SLC31A2: variants seen among roughly 807,000 people sequenced by gnomAD.
SLC31A2 encodes solute carrier family 31 member 2.
A neutral mutation model predicts 14.4 loss-of-function variants in SLC31A2; 16 were observed. The ratio of observed to expected loss-of-function variants is 1.11; its 90% CI spans 0.75 to 1.69. The LOEUF (loss-of-function observed/expected upper bound fraction) is 1.69, where lower values mean the gene tolerates loss of function less well. SLC31A2 is among the 40% of genes most tolerant of loss of function. The pLI is 0.00. For synonymous variants in SLC31A2, 56 were observed against 68.7 expected, an observed-to-expected ratio of 0.82 and a Z score of 0.91; for missense variants, 140 against 173.9, an observed-to-expected ratio of 0.81 and a Z score of 1.10.
In SLC31A2 at chr9:113,162,960, G is replaced by GC. The variant is rs752411020; in HGVS notation, c.*48dup. 52 of 1,521,892 alleles carry GC rather than the reference G, an allele frequency of 3.4e-5. No individual in the cohort carries two copies. The African/African-American group carries it at 3.8e-4, about 11-fold the overall frequency. 94.3% of individuals were successfully genotyped at this position (1,521,892 alleles called of 1,614,324 possible). A position where few individuals can be genotyped will look rare whatever the true frequency, so the allele number is the denominator to read the frequency against. ...GGCACTGAGGCTGGAGGGACATGGA[G>GC]CCCCCTCTTCCAGACACTATACTTC... On this transcript the variant is annotated 3_prime_UTR_variant, in exon 4 of 4. Transcript: ENST00000259392.
chr9:113,158,211 G>T (rs930800032), intron 2 of SLC31A2: 11 of 366,762 alleles, frequency 3.0e-5, no homozygotes, highest in African/African-American at 2.3e-4. Context: ...AGCTGCTGGA[G>T]ATGAGACACC....
At chr9:113,162,667 C>T (rs1365565973) in intron 3 of SLC31A2, 82 bp from the exon 4 acceptor site, 1 of 1,326,720 alleles carries the variant, frequency 7.5e-7, no homozygotes, top group African/African-American at 1.5e-5. Context: ...AACTCAACAG[C>T]TTTCTACTCC....
chr9:113,151,084 A>G lies in SLC31A2; in HGVS notation c.6+4A>G, dbSNP rs1397990683. 3.1e-6 allele frequency: 4 copies of G among 1,306,516 alleles called. No homozygotes were observed. The highest frequency in any genetic ancestry group is 1.5e-5 in the African/African-American group (1 of 66,052). The allele number at this position is 1,306,516 out of a possible 1,614,324, so 80.9% of individuals were successfully genotyped here. A position where few individuals can be genotyped will look rare whatever the true frequency, so the allele number is the denominator to read the frequency against. The stretch of plus-strand genomic sequence containing the variant: ...GCCCTGCGCACTCACCATGGCGGTA[A>G]GGGCCGGGCGCTACGGTGAAGAGGG... On this transcript the variant is annotated splice_donor_region_variant and intron_variant, in intron 1 of 3. Coordinates refer to ENST00000259392, the MANE Select transcript of SLC31A2 (RefSeq NM_001860.3). The surrounding 1 kb of genome is among the most constrained non-coding windows in gnomAD (Gnocchi z 4.2).
rs1830060646 is a variant in SLC31A2 at position 113,164,050 on chromosome 9, T to C, written c.*1133T>C. The stretch of plus-strand genomic sequence containing the variant: ...GAGAAAATCACTGCTGTATACTAAA[T>C]ACCTCACAGATTAGATGAAAAGATG... On this transcript the variant is annotated 3_prime_UTR_variant, in exon 4 of 4. Transcript: ENST00000259392. 6.6e-6 allele frequency: 1 copy of C among 152,648 alleles called. No homozygotes were observed. 9.5% of individuals were successfully genotyped at this position (152,648 alleles called of 1,614,324 possible).
At chr9:113,153,136 A>G (rs1228081001) in intron 1 of SLC31A2, among the ~76,000 whole-genome samples, 1 of 98,364 alleles carries the variant, frequency 1.0e-5, no homozygotes, top group Non-Finnish European at 2.6e-5. Context: ...TTTTTTTTGA[A>G]AGCCTAACAG....
intron 1 of SLC31A2, among the ~76,000 whole-genome samples, chr9:113,153,805 C>G (rs1185485846): frequency 6.6e-6 from 1 of 152,190 alleles, no homozygotes; most frequent in East Asian, 1.9e-4. Context: ...GGGTTGGTGA[C>G]ACAAGTCAGA....
intron 1 of SLC31A2, chr9:113,156,282 A>C: frequency 2.4e-6 from 1 of 412,038 alleles, no homozygotes; most frequent in Non-Finnish European, 4.9e-6. Context: ...GGTCCGGCAA[A>C]TCCTTTTCCC....
intron 2 of SLC31A2, among the ~76,000 whole-genome samples, chr9:113,158,578 T>C (rs939003837): frequency 1.3e-5 from 2 of 152,318 alleles, no homozygotes; most frequent in Non-Finnish European, 2.9e-5. Context: ...CTCACTCTCA[T>C]GCCAAGTGGC....
intron 1 of SLC31A2, among the ~76,000 whole-genome samples, chr9:113,156,349 T>TG (rs1433626220): frequency 6.7e-6 from 1 of 150,250 alleles, no homozygotes; most frequent in South Asian, 2.1e-4. Flanking sequence ...GGACTCAAGT[T>TG]GGGCCAGATC....
intron 1 of SLC31A2, among the ~76,000 whole-genome samples, chr9:113,154,948 T>C (rs1047619095): frequency 1.3e-5 from 2 of 152,234 alleles, no homozygotes; most frequent in African/African-American, 4.8e-5. Context: ...AGCATGACTA[T>C]CCTAATTGCA....
At chr9:113,161,077 AAGTT>A (rs1193542240) in intron 2 of SLC31A2, 2 of 156,220 alleles carry the variant, frequency 1.3e-5, no homozygotes, top group South Asian at 2.0e-4. Context: ...AAACCTTAGA[AAGTT>A]AGGCAAGAAC....
rs61596578 is a variant in SLC31A2 at position 113,151,956 on chromosome 9, CA to C, written c.6+887del. 88,998 of 148,528 alleles carry C rather than the reference CA, an allele frequency of 0.6. 26,722 individuals carry two copies. Among genetic ancestry groups the C allele is most frequent in the South Asian group, 0.69 (3,247 of 4,694 alleles). The allele number at this position is 148,528 out of a possible 1,614,324, so 9.2% of individuals were successfully genotyped here. On this transcript the variant is annotated intron_variant, in intron 1 of 3. Transcript: ENST00000259392. This position sits in a 1 kb window ranked among gnomAD's most constrained non-coding sequence, Gnocchi z 4.2. Reference sequence around the variant, plus strand: ...ACAAGACGTCCTCAAACAAACAAAACAAAAAAAAAAAGATATAGGAAGTGTA... The same window carrying C: ...ACAAGACGTCCTCAAACAAACAAAACAAAAAAAAAAGATATAGGAAGTGTA...
At position 113,151,214 on chromosome 9, in the gene SLC31A2, A is replaced by G; in HGVS notation, c.6+134A>G. On this transcript the variant is annotated intron_variant, in intron 1 of 3. Transcript: ENST00000259392. This position sits in a 1 kb window ranked among gnomAD's most constrained non-coding sequence, Gnocchi z 4.2. Reference sequence around the variant, plus strand: ...AGGGTGTGTTGGCAGCATTGCCAACAGCTGGAACAGGGTTGGGGGACGCGG... The same window carrying G: ...AGGGTGTGTTGGCAGCATTGCCAACGGCTGGAACAGGGTTGGGGGACGCGG... 1.1e-6 allele frequency: 1 copy of G among 937,294 alleles called. No homozygotes were observed. Among genetic ancestry groups the G allele is most frequent in the Non-Finnish European group, 1.4e-6 (1 of 704,178 alleles). 58.1% of individuals were successfully genotyped at this position (937,294 alleles called of 1,614,324 possible). A position where few individuals can be genotyped will look rare whatever the true frequency, so the allele number is the denominator to read the frequency against.
intron 2 of SLC31A2, among the ~76,000 whole-genome samples, chr9:113,158,480 A>ATTGGACCCAGGTGAGTGGT (rs1829962976): frequency 6.6e-6 from 1 of 152,202 alleles, no homozygotes; most frequent in South Asian, 2.1e-4. Flanking sequence ...CTGTGAGTTG[A>ATTGGACCCAGGTGAGTGGT]CTGGACCCAG....
rs539299824 is a variant in SLC31A2, at chr9:113,161,564, C to T, written c.129C>T (p.Ile43=). The change falls in exon 3 of 4, where the codon ATC becomes ATT. Residue 43 remains isoleucine, a synonymous_variant. Transcript: ENST00000259392. ...LLLLAVLYEG[I]KVGKAKLLNQ... is the part of the protein sequence containing the mutation. ...TTCTGGCTGTACTGTATGAAGGCAT[C>T]AAGGTTGGCAAAGCCAAGCTGCTCA... is the stretch of plus-strand genomic sequence containing the variant. 7.0e-4 allele frequency: 1,135 copies of T among 1,614,034 alleles called. 18 individuals carry two copies. The South Asian group carries it at 0.012, about 17-fold the overall frequency.
chr9:113,155,653 G>A (rs1829923672), intron 1 of SLC31A2, among the ~76,000 whole-genome samples: 1 of 152,122 alleles, frequency 6.6e-6, no homozygotes, highest in African/African-American at 2.4e-5. Flanking sequence ...ACCTTATTTT[G>A]TCTAATTCCA....
chr9:113,157,718 C>T lies in SLC31A2; in HGVS notation c.7-9C>T. Reference sequence around the variant, plus strand: ...GTGCCCCTATGATGCAGATTCCTTTCTCTTTCAGATGCATTTCATCTTCTC... The same window carrying T: ...GTGCCCCTATGATGCAGATTCCTTTTTCTTTCAGATGCATTTCATCTTCTC... On this transcript the variant is annotated splice_polypyrimidine_tract_variant and intron_variant, in intron 1 of 3. Coordinates refer to ENST00000259392, the MANE Select transcript of SLC31A2 (RefSeq NM_001860.3). 6.2e-7 allele frequency: 1 copy of T among 1,609,484 alleles called. No homozygotes were observed. The highest frequency in any genetic ancestry group is 8.5e-7 in the Non-Finnish European group (1 of 1,177,320).
At chr9:113,154,226 T>A (rs998343659) in intron 1 of SLC31A2, among the ~76,000 whole-genome samples, 1 of 152,000 alleles carries the variant, frequency 6.6e-6, no homozygotes, top group African/African-American at 2.4e-5. Context: ...GAAGAGTAGA[T>A]AGAGTTCAAG....
rs1830057735 is a variant in SLC31A2 at position 113,163,898 on chromosome 9, T to A, written c.*981T>A. On this transcript the variant is annotated 3_prime_UTR_variant, in exon 4 of 4. Transcript: ENST00000259392. ...AGTGGGGAAACATGATTCATTCACT[T>A]AAAATACTGATTAAGCCATGGGCAG... 1.0e-5 allele frequency: 1 copy of A among 95,624 alleles called. No homozygotes were observed. The highest frequency in any genetic ancestry group is 1.2e-4 in the Admixed American group (1 of 8,492). The allele number at this position is 95,624 out of a possible 1,614,324, so 5.9% of individuals were successfully genotyped here.
Sources: allele counts gnomAD v4.1 joint callset (sites outside exome capture counted in the v4.1 genomes callset), GRCh38; gene constraint gnomAD v4.1.1; non-coding constraint Gnocchi (gnomAD v3.1); transcripts MANE v1.5; gene names NCBI Gene and HGNC (gene_info 2026-07-23, HGNC 2026-07-21).